FAP: variants seen among roughly 807,000 people sequenced by gnomAD.
FAP encodes the protein prolyl endopeptidase FAP.
In FAP, 110 loss-of-function variants were observed where a neutral mutation model predicts 126.5. The ratio of observed to expected loss-of-function variants is 0.87; its 90% confidence interval spans 0.74 to 1.02. FAP has a LOEUF of 1.02. FAP is among the 50% of genes least tolerant of loss of function. The pLI, the probability that FAP is intolerant of heterozygous loss-of-function variation, is 0.00. For missense variants in FAP, 919 were observed against 909.2 expected, an observed-to-expected ratio of 1.01 and a Z score of -0.14; for synonymous variants, 334 against 297.3, an observed-to-expected ratio of 1.12 and a Z score of -1.27.
intron 20 of FAP, 112 bp downstream of exon 20, chr2:162,188,057 A>G (rs928617890): frequency 1.1e-6 from 1 of 883,044 alleles, no homozygotes; most frequent in Non-Finnish European, 1.7e-6. Context: ...GTTTTAGACC[A>G]AGTTAGAAAA....
intron 17 of FAP, among the ~76,000 whole-genome samples, chr2:162,191,213 G>A (rs1207724643): frequency 6.6e-6 from 1 of 152,108 alleles, no homozygotes; most frequent in African/African-American, 2.4e-5. Context: ...TCCGGGTGTT[G>A]TCACGTGGTT....
rs549071406 is a variant in FAP, at chr2:162,207,714, A to ATTT, written c.1047+2235_1047+2237dup. Among the ~76,000 whole-genome samples, 136 of 141,770 alleles carry ATTT rather than the reference A, an allele frequency of 9.6e-4. 2 individuals are homozygous for ATTT. The East Asian group carries it at 0.013, about 13-fold the overall frequency. 93.0% of individuals were successfully genotyped at this position (141,770 alleles called of 152,430 possible). On this transcript the variant is annotated intron_variant, in intron 12 of 25. Transcript: ENST00000188790. ...AGACATATGTGCCTCCACTGAGGGC[A>ATTT]TTTTTTTTTTTTTTGAGACAGAGTC...
chr2:162,186,441 G>T (rs1353668745), intron 20 of FAP, among the ~76,000 whole-genome samples: 1 of 151,948 alleles, frequency 6.6e-6, no homozygotes, highest in Non-Finnish European at 1.5e-5. Context: ...GAATATCATG[G>T]CTCAGGTTTA....
chr2:162,198,073 T>C, intron 16 of FAP: 1 of 882,516 alleles, frequency 1.1e-6, no homozygotes, highest in Non-Finnish European at 1.5e-6. Flanking sequence ...AAAATAAAAT[T>C]ATATGGGTAG....
chr2:162,198,605 C>A (rs1688358031), intron 16 of FAP, 152 bp downstream of exon 16: 1 of 998,696 alleles, frequency 1.0e-6, no homozygotes, highest in Admixed American at 2.7e-5. Context: ...ACCTTCCTAT[C>A]CTCCTTTAAT....
At chr2:162,194,643 C>G in intron 17 of FAP, 58 bp downstream of exon 17, 1 of 1,482,254 alleles carries the variant, frequency 6.7e-7, no homozygotes. Flanking sequence ...TCTAGCGGAG[C>G]ATCACAGAGA....
intron 6 of FAP, 112 bp from the exon 7 acceptor site, chr2:162,220,037 C>T: frequency 1.4e-6 from 1 of 725,816 alleles, no homozygotes; most frequent in Non-Finnish European, 2.3e-6. Context: ...GGATCATTCC[C>T]TCTGCACCCA....
chr2:162,203,175 A>G lies in FAP; in HGVS notation c.1048-30T>C, dbSNP rs1444255230. 5.6e-6 allele frequency: 8 copies of G among 1,439,332 alleles called. No individual in the cohort carries two copies. The East Asian group carries it at 1.8e-4, about 33-fold the overall frequency. The allele number at this position is 1,439,332 out of a possible 1,614,324, so 89.2% of individuals were successfully genotyped here. ...AAAAAATTAGCAGAGGTTATGTTCA[A>G]AAGACAAACCAAACTAAAACCATAG... On this transcript the variant is annotated intron_variant, in intron 12 of 25. Transcript: ENST00000188790.
In FAP at chr2:162,179,800, A is replaced by C. The variant is rs866490807; in HGVS notation, c.1869+3614T>G. On this transcript the variant is annotated intron_variant, in intron 21 of 25. Coordinates refer to ENST00000188790, the MANE Select transcript of FAP (RefSeq NM_004460.5). ...TATCTATCTATCTATCTATATATAT[A>C]TATATATATATATTTTTTTTTTTTT... Among the ~76,000 whole-genome samples, 773 of 137,934 alleles carry C rather than the reference A, an allele frequency of 5.6e-3. 11 individuals are homozygous for C. The highest frequency in any genetic ancestry group is 0.019 in the African/African-American group (683 of 35,642). The allele number at this position is 137,934 out of a possible 152,430, so 90.5% of individuals were successfully genotyped here.
At chr2:162,189,068 TA>T in intron 19 of FAP, 34 bp downstream of exon 19, 1 of 1,327,090 alleles carries the variant, frequency 7.5e-7, no homozygotes, top group Non-Finnish European at 1.1e-6. Context: ...ATATTTTCAG[TA>T]AATAGTTTTT....
chr2:162,178,668 A>G (rs921709771), intron 21 of FAP, among the ~76,000 whole-genome samples: 3 of 152,330 alleles, frequency 2.0e-5, no homozygotes, highest in Non-Finnish European at 4.4e-5. Flanking sequence ...AAAGGGGAAG[A>G]TAAAAGGGTT....
chr2:162,188,872 CA>C (rs1217797783), intron 19 of FAP, among the ~76,000 whole-genome samples: 1 of 151,964 alleles, frequency 6.6e-6, no homozygotes, highest in African/African-American at 2.4e-5. Flanking sequence ...AATTGCCATA[CA>C]AAGGAAATTT....
intron 2 of FAP, among the ~76,000 whole-genome samples, chr2:162,230,586 G>A (rs80192819): frequency 0.028 from 4,164 of 150,430 alleles, 335 homozygotes; most frequent in Admixed American, 0.19. Flanking sequence ...TAATTCCCCC[G>A]AGAATATATC....
chr2:162,236,284 T>C (rs915052214), intron 2 of FAP, among the ~76,000 whole-genome samples: 2 of 152,170 alleles, frequency 1.3e-5, no homozygotes, highest in African/African-American at 4.8e-5. Flanking sequence ...ACATCTTTGG[T>C]TTTGGCATTA....
chr2:162,216,030 C>G (rs370470786), intron 9 of FAP, 29 bp from the exon 10 acceptor site: 1 of 1,488,782 alleles, frequency 6.7e-7, no homozygotes, highest in South Asian at 1.2e-5. Context: ...TATATAAGCT[C>G]ATAAAATTCC....
At chr2:162,191,164 G>C (rs1437074117) in intron 17 of FAP, among the ~76,000 whole-genome samples, 2 of 152,054 alleles carry the variant, frequency 1.3e-5, no homozygotes, top group Non-Finnish European at 2.9e-5. Context: ...ATTACTATTT[G>C]TATTATTTTA....
intron 12 of FAP, among the ~76,000 whole-genome samples, chr2:162,205,509 C>CT (rs1056505736): frequency 2.0e-5 from 3 of 151,688 alleles, no homozygotes; most frequent in African/African-American, 4.8e-5. Context: ...TAATGTCTCC[C>CT]TTTTTTTTAT....
At chr2:162,210,540 A>G (rs1186324399) in intron 11 of FAP, among the ~76,000 whole-genome samples, 2 of 152,164 alleles carry the variant, frequency 1.3e-5, no homozygotes, top group African/African-American at 4.8e-5. Context: ...TAGTCACCCA[A>G]CAGATGGTTC....
At chr2:162,218,743 GA>G (rs1407677030) in intron 8 of FAP, among the ~76,000 whole-genome samples, 189 of 146,886 alleles carry the variant, frequency 1.3e-3, no homozygotes, top group African/African-American at 3.6e-3. Context: ...GTTTAGTTTT[GA>G]AAAAAAAAAA....
Sources: gnomAD v4.1 joint callset for allele counts (sites outside exome capture counted in the v4.1 genomes callset) on GRCh38, gnomAD v4.1.1 for gene constraint, MANE v1.5 for transcripts, NCBI Gene and HGNC (gene_info 2026-07-23, HGNC 2026-07-21) for gene names.